The following NDST3 variants were observed in gnomAD, a reference collection of about 807,000 sequenced individuals.
NDST3 encodes bifunctional heparan sulfate N-deacetylase/N-sulfotransferase 3.
In NDST3, 58 loss-of-function variants were observed where a neutral mutation model predicts 96.1. That is an observed-to-expected ratio of 0.60 (90% confidence interval 0.49 to 0.75). NDST3 has a LOEUF of 0.75. NDST3 is among the 30% of genes least tolerant of loss of function. The pLI is 0.00. For missense variants in NDST3, 788 were observed against 1,034.2 expected (o/e 0.76, Z 3.27); for synonymous variants, 333 against 359.7 (o/e 0.93, Z 0.84).
chr4:118,165,374 T>C (rs985805852), intron 6 of NDST3, among the ~76,000 whole-genome samples: 2 of 151,962 alleles, frequency 1.3e-5, no homozygotes, highest in South Asian at 4.1e-4. Flanking sequence ...ACCAGGAAGA[T>C]ATAACAATTA....
intron 6 of NDST3, among the ~76,000 whole-genome samples, chr4:118,166,927 C>A (rs1331275979): frequency 6.6e-6 from 1 of 151,174 alleles, no homozygotes; most frequent in East Asian, 1.9e-4. Context: ...TATGAAAAAC[C>A]CCACAAGTAA....
intron 2 of NDST3, among the ~76,000 whole-genome samples, chr4:118,101,185 T>C (rs945432051): frequency 4.6e-5 from 7 of 152,086 alleles, no homozygotes; most frequent in Non-Finnish European, 1.0e-4. Flanking sequence ...TGCAATTACT[T>C]TTAATTTCAA....
At chr4:118,095,063 TA>T (rs1729182054) in intron 2 of NDST3, among the ~76,000 whole-genome samples, 1 of 151,732 alleles carries the variant, frequency 6.6e-6, no homozygotes, top group African/African-American at 2.4e-5. Flanking sequence ...AATTATACCT[TA>T]ACAGAGCTGG....
chr4:118,036,135 G>C (rs1014053633), intron 1 of NDST3, among the ~76,000 whole-genome samples: 3 of 151,974 alleles, frequency 2.0e-5, no homozygotes, highest in Non-Finnish European at 2.9e-5. Flanking sequence ...AAGCTAAAAT[G>C]TAAATATGTA....
intron 6 of NDST3, among the ~76,000 whole-genome samples, chr4:118,220,773 G>GT: frequency 6.6e-6 from 1 of 151,998 alleles, no homozygotes; most frequent in East Asian, 1.9e-4. Context: ...TTACCAAGCT[G>GT]TTTTTTGTAC....
chr4:118,107,672 T>C (rs1310169302), intron 3 of NDST3, among the ~76,000 whole-genome samples: 3 of 152,192 alleles, frequency 2.0e-5, no homozygotes, highest in African/African-American at 7.2e-5. Flanking sequence ...TATAGAACTC[T>C]TGTAGCTTAG....
At position 118,054,686 on chromosome 4, in the gene NDST3, A is replaced by G; in HGVS notation, c.776A>G (p.His259Arg). 1.2e-6 allele frequency: 2 copies of G among 1,613,372 alleles called. No homozygotes were observed. The highest frequency in any genetic ancestry group is 1.7e-6 in the Non-Finnish European group (2 of 1,179,508). Residue 259 changes from histidine (H) to arginine (R), a missense_variant, in exon 2 of 14, where the codon CAT (histidine) becomes CGT (arginine). By Grantham distance (29) the His-to-Arg change is conservative. Transcript: ENST00000296499. The stretch of plus-strand genomic sequence containing the variant: ...GGTGCTTTTTATGCCACTATTATAC[A>G]TGACCTGGGGCTTCATGATGGAATT... ...SKGAFYATII[H>R]DLGLHDGIQR...
At chr4:118,120,292 G>C (rs901333857) in intron 4 of NDST3, among the ~76,000 whole-genome samples, 1 of 152,024 alleles carries the variant, frequency 6.6e-6, no homozygotes, top group South Asian at 2.1e-4. Context: ...CAAGGATGCA[G>C]GGCCACAGGG....
At chr4:118,118,833 A>G (rs370267866) in intron 4 of NDST3, among the ~76,000 whole-genome samples, 1 of 152,210 alleles carries the variant, frequency 6.6e-6, no homozygotes, top group Admixed American at 6.5e-5. Context: ...TCAACTGTAC[A>G]GTGTGTAAAA....
At chr4:118,161,736 T>G (rs1456475950) in intron 6 of NDST3, among the ~76,000 whole-genome samples, 2 of 152,162 alleles carry the variant, frequency 1.3e-5, no homozygotes, top group Non-Finnish European at 2.9e-5. Flanking sequence ...AAGTGCAGTA[T>G]TAGGGTGGGA....
chr4:118,168,002 A>G (rs1277687510), intron 6 of NDST3, among the ~76,000 whole-genome samples: 3 of 152,076 alleles, frequency 2.0e-5, no homozygotes, highest in African/African-American at 7.2e-5. Context: ...TAGTCTTGGC[A>G]ATGATTCTTG....
chr4:118,064,214 AGTCTG>A (rs1466549533), intron 2 of NDST3, among the ~76,000 whole-genome samples: 2 of 152,214 alleles, frequency 1.3e-5, no homozygotes, highest in Non-Finnish European at 2.9e-5. Flanking sequence ...CAGATTTTAA[AGTCTG>A]TGTGATGTTG....
chr4:118,134,036 A>C (rs958181050), intron 4 of NDST3, among the ~76,000 whole-genome samples: 2 of 152,250 alleles, frequency 1.3e-5, no homozygotes, highest in Admixed American at 1.3e-4. Flanking sequence ...TACTAAGAGA[A>C]GTTTTAATGT....
At chr4:118,033,666 C>G (rs1383136562), upstream of NDST3, 1 of 151,752 alleles carries the variant, frequency 6.6e-6, no homozygotes, top group Admixed American at 6.6e-5. Flanking sequence ...CCGTGGTTCT[C>G]CAGCGCAGGA....
chr4:118,040,087 G>A (rs969507216), intron 1 of NDST3, among the ~76,000 whole-genome samples: 7 of 152,220 alleles, frequency 4.6e-5, no homozygotes, highest in Admixed American at 3.3e-4. Flanking sequence ...AAGGATGCAC[G>A]TAGGTGATTG....
intron 6 of NDST3, among the ~76,000 whole-genome samples, chr4:118,149,601 A>AT (rs1190435520): frequency 6.6e-6 from 1 of 150,528 alleles, no homozygotes; most frequent in Non-Finnish European, 1.5e-5. Context: ...TTGTACATTG[A>AT]TTTTGTATCC....
At position 118,121,694 on chromosome 4, in the gene NDST3, A is replaced by C. The variant is rs926350391; in HGVS notation, c.1224+6734A>C. On this transcript the variant is annotated intron_variant, in intron 4 of 13. Coordinates refer to ENST00000296499, the MANE Select transcript of NDST3 (RefSeq NM_004784.3). ...ATGGATGATGAGGAAGCATAAGAGA[A>C]TAACAGGTCAAAAATAACATTAGGG... 2.6e-5 allele frequency among the ~76,000 whole-genome samples: 4 copies of C among 152,336 alleles called. No homozygotes were observed. The East Asian group carries it at 7.7e-4, about 29-fold the overall frequency.
At chr4:118,190,282 G>A (rs542867921) in intron 6 of NDST3, among the ~76,000 whole-genome samples, 4 of 151,844 alleles carry the variant, frequency 2.6e-5, no homozygotes, top group Non-Finnish European at 5.9e-5. Context: ...TCAAGTTATT[G>A]TTTTTTAACA....
At chr4:118,092,942 T>A (rs1728997559) in intron 2 of NDST3, among the ~76,000 whole-genome samples, 2 of 151,818 alleles carry the variant, frequency 1.3e-5, no homozygotes, top group Non-Finnish European at 2.9e-5. Context: ...GAAAAGCCTG[T>A]CTGATAAGGT....
Sources: gnomAD v4.1 joint callset for allele counts (sites outside exome capture counted in the v4.1 genomes callset) on GRCh38, gnomAD v4.1.1 for gene constraint, MANE v1.5 for transcripts, NCBI Gene and HGNC (gene_info 2026-07-23, HGNC 2026-07-21) for gene names.